NANP: variants seen among roughly 807,000 people sequenced by gnomAD.
The protein encoded by NANP is N-acetylneuraminic acid phosphatase.
A neutral mutation model predicts 16.9 loss-of-function variants in NANP; 15 were observed. The ratio of observed to expected loss-of-function variants is 0.89; its 90% CI spans 0.59 to 1.37. The LOEUF is 1.37. NANP is among the 40% of genes most tolerant of loss of function. The pLI is 0.00. For synonymous variants in NANP, 135 were observed against 112.6 expected (o/e 1.20, Z -1.26); for missense variants, 290 against 303.5 (o/e 0.96, Z 0.33).
chr20:25,616,705 T>G (rs1302159130), intron 1 of NANP, 124 bp from the exon 2 acceptor site: 2 of 719,592 alleles, frequency 2.8e-6, no homozygotes, highest in African/African-American at 3.6e-5. Context: ...AAGCAGCTAC[T>G]AACTACACCG....
In NANP at chr20:25,614,885, G is replaced by A. The variant is rs936752475; in HGVS notation, c.*1040C>T. The A allele has an allele frequency of 4.6e-5, 7 of 152,220 alleles. No individual in the cohort carries two copies. Among genetic ancestry groups the A allele is most frequent in the Non-Finnish European group, 1.5e-5 (1 of 68,140 alleles). 9.4% of individuals were successfully genotyped at this position (152,220 alleles called of 1,614,324 possible). The stretch of plus-strand genomic sequence containing the variant: ...TTGTAGTCACACACACCCTTGGGAG[G>A]CTGAGGTGGGAGGATCACTTGAGCT... On this transcript the variant is annotated 3_prime_UTR_variant, in exon 2 of 2. Coordinates refer to ENST00000304788, the MANE Select transcript of NANP (RefSeq NM_152667.3).
chr20:25,616,275 C>T lies in NANP; in HGVS notation c.397G>A (p.Gly133Arg). The T allele has an allele frequency of 6.2e-7, 1 of 1,614,194 alleles. No individual in the cohort carries two copies. The highest frequency in any genetic ancestry group is 1.6e-4 in the Middle Eastern group (1 of 6,062). The change falls in exon 2 of 2, where the codon GGG becomes AGG. Residue 133 changes from glycine to arginine, a missense_variant. Transcript: ENST00000304788. The stretch of plus-strand genomic sequence containing the variant: ...TTCTCCCTCTGGGTCTGTCTGTCCC[C>T]ATTCGTTAATAGAAGTAGGCGGACC... The part of the protein sequence containing the change: ...KEVRLLLLTN[G>R]DRQTQREKIE...
At chr20:25,619,519 A>AATGT (rs1379350556) in intron 1 of NANP, among the ~76,000 whole-genome samples, 1 of 152,210 alleles carries the variant, frequency 6.6e-6, no homozygotes, top group African/African-American at 2.4e-5. Context: ...AAGAAAAGAA[A>AATGT]ATGTAATCAT....
rs897126948 is a variant in NANP at position 25,613,700 on chromosome 20, C to T, written c.*2225G>A. 1.3e-4 allele frequency: 50 copies of T among 398,096 alleles called. No individual in the cohort carries two copies. In the East Asian group the frequency reaches 1.7e-3, roughly 14 times the overall value. The allele number at this position is 398,096 out of a possible 1,614,324, so 24.7% of individuals were successfully genotyped here. A position where few individuals can be genotyped will look rare whatever the true frequency, so the allele number is the denominator to read the frequency against. On this transcript the variant is annotated 3_prime_UTR_variant, in exon 2 of 2. Transcript: ENST00000304788. ...AAATGGAATGTAATACATTACTGTA[C>T]TCTGTAGAATACAAACTGTGAAGAC...
chr20:25,623,731 A>AC (rs2065377742), intron 1 of NANP, 128 bp downstream of exon 1: 5 of 911,938 alleles, frequency 5.5e-6, no homozygotes, highest in Non-Finnish European at 4.9e-6. Context: ...CGCACGCTCC[A>AC]CAGGTTTCAA....
chr20:25,616,420 T>G lies in NANP; in HGVS notation c.252A>C (p.Lys84Asn). 5 of 1,614,138 alleles carry G rather than the reference T, an allele frequency of 3.1e-6. No individual in the cohort carries two copies. The highest frequency in any genetic ancestry group is 4.2e-6 in the Non-Finnish European group (5 of 1,180,018). ...SHWEEAIQETKGGAANRKLAE... is the reference protein window; with the variant it reads ...SHWEEAIQETNGGAANRKLAE... ...CCAATTTTCTATTGGCTGCACCACCTTTTGTTTCCTGGATTGCTTCTTCCC... is the reference window on the plus strand; with the variant it reads ...CCAATTTTCTATTGGCTGCACCACCGTTTGTTTCCTGGATTGCTTCTTCCC... Residue 84 changes from lysine (K) to asparagine (N), a missense_variant, in exon 2 of 2, where the codon AAA becomes AAC. Coordinates refer to ENST00000304788, the MANE Select transcript of NANP (RefSeq NM_152667.3).
At chr20:25,618,914 C>T (rs2065354029) in intron 1 of NANP, among the ~76,000 whole-genome samples, 1 of 152,062 alleles carries the variant, frequency 6.6e-6, no homozygotes, top group African/African-American at 2.4e-5. Flanking sequence ...ATCCTGTGTT[C>T]AGGTGAGCAC....
intron 1 of NANP, among the ~76,000 whole-genome samples, chr20:25,621,715 C>T (rs1490228101): frequency 2.0e-5 from 3 of 152,174 alleles, no homozygotes; most frequent in African/African-American, 7.2e-5. Context: ...CCAACACACC[C>T]GGCTAATTTT....
chr20:25,620,562 T>C (rs1178435343), intron 1 of NANP, among the ~76,000 whole-genome samples: 1 of 152,240 alleles, frequency 6.6e-6, no homozygotes, highest in Non-Finnish European at 1.5e-5. Context: ...AACCATCTAA[T>C]ACTTTACAAC....
At position 25,613,241 on chromosome 20, in the gene NANP, G is replaced by T. The variant is rs942576675; in HGVS notation, c.*2684C>A. On this transcript the variant is annotated 3_prime_UTR_variant, in exon 2 of 2. Coordinates refer to ENST00000304788, the MANE Select transcript of NANP (RefSeq NM_152667.3). ...TGATAGAAAATGTTTCTTACTGAAG[G>T]TTGCAAAGAAGTTTGAAAGCAATAA... 6 of 152,046 alleles carry T rather than the reference G, an allele frequency of 3.9e-5. No homozygotes were observed. The highest frequency in any genetic ancestry group is 7.4e-5 in the Non-Finnish European group (5 of 68,026). The allele number at this position is 152,046 out of a possible 1,614,324, so 9.4% of individuals were successfully genotyped here.
chr20:25,616,128 C>T lies in NANP; in HGVS notation c.544G>A (p.Gly182Arg), dbSNP rs768547110. The T allele has an allele frequency of 3.1e-6, 5 of 1,614,120 alleles. No homozygotes were observed. In the Admixed American group the frequency reaches 5.0e-5, roughly 16 times the overall value. Residue 182 changes from glycine to arginine, a missense_variant, in exon 2 of 2, where the codon GGG becomes AGG. Coordinates refer to ENST00000304788, the MANE Select transcript of NANP (RefSeq NM_152667.3). ...YCCNLLGVQPGDCVMVGDTLE... is the reference protein window; with the variant it reads ...YCCNLLGVQPRDCVMVGDTLE... ...GTGTCACCGACCATCACACAGTCCC[C>T]AGGTTGTACTCCGAGAAGATTGCAG...
Position 25,616,335 on chromosome 20 carries a change from C to T in NANP, c.337G>A (p.Asp113Asn). 6.2e-7 allele frequency: 1 copy of T among 1,614,166 alleles called. No individual in the cohort carries two copies. The highest frequency in any genetic ancestry group is 8.5e-7 in the Non-Finnish European group (1 of 1,180,022). Reference protein sequence around the residue: ...TRLQHMTLAEDVKAMLTELRK... With the variant: ...TRLQHMTLAENVKAMLTELRK... The stretch of plus-strand genomic sequence containing the variant: ...AGTTCAGTAAGCATGGCTTTGACGT[C>T]TTCTGCTAGTGTCATATGCTGTAAA... Residue 113 changes from aspartate (D) to asparagine (N), a missense_variant, in exon 2 of 2, where the codon GAC becomes AAC. Coordinates refer to ENST00000304788, the MANE Select transcript of NANP (RefSeq NM_152667.3).
At chr20:25,618,516 C>A (rs550153380) in intron 1 of NANP, among the ~76,000 whole-genome samples, 24 of 152,126 alleles carry the variant, frequency 1.6e-4, no homozygotes, top group Non-Finnish European at 1.5e-4. Context: ...CATGTTATAG[C>A]AGGTGCTGCC....
chr20:25,620,565 T>C (rs1420144502), intron 1 of NANP, among the ~76,000 whole-genome samples: 1 of 152,232 alleles, frequency 6.6e-6, no homozygotes, highest in Non-Finnish European at 1.5e-5. Flanking sequence ...CATCTAATAC[T>C]TTACAACACT....
At chr20:25,623,125 C>T (rs2065373276) in intron 1 of NANP, among the ~76,000 whole-genome samples, 1 of 152,222 alleles carries the variant, frequency 6.6e-6, no homozygotes, top group South Asian at 2.1e-4. Context: ...CCTTCCCTTT[C>T]CCCTTGAAGC....
chr20:25,616,611 C>A, intron 1 of NANP, 30 bp from the exon 2 acceptor site: 1 of 1,499,336 alleles, frequency 6.7e-7, no homozygotes, highest in Non-Finnish European at 9.0e-7. Flanking sequence ...TCCATTAACA[C>A]ATTGCATGTC....
intron 1 of NANP, among the ~76,000 whole-genome samples, chr20:25,621,599 G>A (rs969819753): frequency 2.6e-5 from 4 of 152,202 alleles, no homozygotes; most frequent in Non-Finnish European, 5.9e-5. Context: ...CTGTCGCCCA[G>A]GCTGGAGTGC....
chr20:25,620,601 A>T (rs1225055758), intron 1 of NANP, among the ~76,000 whole-genome samples: 1 of 152,216 alleles, frequency 6.6e-6, no homozygotes, highest in African/African-American at 2.4e-5. Flanking sequence ...TCTGAATACT[A>T]ATCATTTGGA....
intron 1 of NANP, among the ~76,000 whole-genome samples, chr20:25,621,900 A>C (rs1190225273): frequency 6.6e-6 from 1 of 152,240 alleles, no homozygotes; most frequent in African/African-American, 2.4e-5. Flanking sequence ...GGAGGCAGTA[A>C]TAGAACCAAG....
Sources: gnomAD v4.1 joint callset for allele counts (sites outside exome capture counted in the v4.1 genomes callset) on GRCh38, gnomAD v4.1.1 for gene constraint, MANE v1.5 for transcripts, NCBI Gene and HGNC (gene_info 2026-07-23, HGNC 2026-07-21) for gene names.